The following GRID2 variants were observed in gnomAD, a reference collection of about 807,000 sequenced individuals.
The protein encoded by GRID2 is glutamate ionotropic receptor delta type subunit 2.
GRID2 carries 33 observed loss-of-function variants against 114.8 expected under a neutral mutation model. The ratio of observed to expected loss-of-function variants is 0.29; its 90% CI spans 0.22 to 0.38. GRID2 has a LOEUF of 0.38. Among genes scored for constraint, GRID2 ranks in the 10% least tolerant of loss-of-function variants. GRID2 has a pLI of 1.00. For synonymous variants in GRID2, 505 were observed against 449.9 expected (o/e 1.12, Z -1.55); for missense variants, 1,184 against 1,257.7 (o/e 0.94, Z 0.89).
At chr4:92,412,405 TCCTAGAA>T (rs1731382496) in intron 1 of GRID2, among the ~76,000 whole-genome samples, 2 of 152,124 alleles carry the variant, frequency 1.3e-5, no homozygotes, top group Non-Finnish European at 2.9e-5. Context: ...AATCACCTAT[TCCTAGAA>T]GTGTGGATAC....
intron 2 of GRID2, among the ~76,000 whole-genome samples, chr4:92,994,881 A>G (rs539135203): frequency 1.6e-4 from 24 of 152,304 alleles, no homozygotes; most frequent in African/African-American, 5.3e-4. Flanking sequence ...TGTTGGAGCC[A>G]GCTCACACAG....
chr4:93,517,092 G>T (rs1376648177), intron 13 of GRID2, among the ~76,000 whole-genome samples: 3 of 151,960 alleles, frequency 2.0e-5, no homozygotes, highest in African/African-American at 7.3e-5. Flanking sequence ...GTTGCATCAT[G>T]AAGATAAGAA....
intron 2 of GRID2, among the ~76,000 whole-genome samples, chr4:93,079,503 C>T (rs181288418): frequency 6.2e-4 from 94 of 151,854 alleles, no homozygotes; most frequent in Middle Eastern, 3.4e-3. Flanking sequence ...TGTTTAAAAA[C>T]AATGATTTAT....
At chr4:92,444,600 A>G (rs1733345759) in intron 1 of GRID2, among the ~76,000 whole-genome samples, 1 of 152,164 alleles carries the variant, frequency 6.6e-6, no homozygotes, top group Non-Finnish European at 1.5e-5. Context: ...ATCTGGGAGT[A>G]TAGGTGCAAG....
At chr4:93,625,893 C>T (rs533366999) in intron 13 of GRID2, among the ~76,000 whole-genome samples, 16 of 151,724 alleles carry the variant, frequency 1.1e-4, no homozygotes, top group Non-Finnish European at 1.6e-4. Flanking sequence ...CCAGCCTGGG[C>T]GACAGAGCAA....
At chr4:93,770,634 A>C (rs1330730538) in intron 15 of GRID2, among the ~76,000 whole-genome samples, 3 of 152,214 alleles carry the variant, frequency 2.0e-5, no homozygotes, top group African/African-American at 7.2e-5. Context: ...AAATTAATCA[A>C]GTCACATTGT....
At chr4:92,592,983 C>T (rs1471866709) in intron 2 of GRID2, among the ~76,000 whole-genome samples, 4 of 151,976 alleles carry the variant, frequency 2.6e-5, no homozygotes, top group South Asian at 2.1e-4. Context: ...CTTTCTCTCA[C>T]ATGTTTACTG....
chr4:93,142,718 C>T (rs758009696), intron 4 of GRID2, among the ~76,000 whole-genome samples: 9 of 152,132 alleles, frequency 5.9e-5, no homozygotes, highest in Non-Finnish European at 1.2e-4. Flanking sequence ...TATTCAACCA[C>T]GTCAGAATAA....
chr4:92,797,681 A>G (rs565463254), intron 2 of GRID2, among the ~76,000 whole-genome samples: 2 of 152,060 alleles, frequency 1.3e-5, no homozygotes, highest in Non-Finnish European at 2.9e-5. Context: ...TGACATATCT[A>G]ACTTTTTCTT....
chr4:93,803,581 G>A (rs1380473907), intron 1 of GRID2, among the ~76,000 whole-genome samples: 3 of 152,030 alleles, frequency 2.0e-5, no homozygotes, highest in African/African-American at 7.2e-5. Context: ...AATTAGCCGG[G>A]CATGGTGGCA....
At position 93,562,508 on chromosome 4, in the gene GRID2, A is replaced by G. The variant is rs1054997122; in HGVS notation, c.2193+47097A>G. Among the ~76,000 whole-genome samples the G allele has an allele frequency of 6.6e-5, 10 of 152,122 alleles. No homozygotes were observed. The South Asian group carries it at 2.1e-3, about 32-fold the overall frequency. ...TGTGGCTTACATTTTTATCCCCTTG[A>G]AAGTGTCTTTTATAGAGCAGAAGCT... is the stretch of plus-strand genomic sequence containing the variant. On this transcript the variant is annotated intron_variant, in intron 13 of 15. Coordinates refer to ENST00000282020, the MANE Select transcript of GRID2 (RefSeq NM_001510.4).
intron 13 of GRID2, among the ~76,000 whole-genome samples, chr4:93,589,709 C>T (rs1163910163): frequency 1.3e-5 from 2 of 152,150 alleles, no homozygotes; most frequent in African/African-American, 4.8e-5. Context: ...TCCTCTCCAG[C>T]ACCTGTCGTT....
At chr4:93,711,477 G>T (rs1728474848) in intron 14 of GRID2, among the ~76,000 whole-genome samples, 1 of 152,178 alleles carries the variant, frequency 6.6e-6, no homozygotes, top group Non-Finnish European at 1.5e-5. Flanking sequence ...CCCAGGAATT[G>T]CTGTTCTTTT....
chr4:92,494,291 C>G (rs904352804), intron 1 of GRID2, among the ~76,000 whole-genome samples: 2 of 151,408 alleles, frequency 1.3e-5, no homozygotes, highest in African/African-American at 4.9e-5. Flanking sequence ...TTTATAAATT[C>G]CTAGATAGGA....
intron 2 of GRID2, among the ~76,000 whole-genome samples, chr4:92,946,984 A>G (rs1751687147): frequency 6.6e-6 from 1 of 152,092 alleles, no homozygotes; most frequent in Admixed American, 6.6e-5. Context: ...TGAAAGATGG[A>G]AAGATTTATA....
At chr4:92,900,501 A>C (rs1747487624) in intron 2 of GRID2, among the ~76,000 whole-genome samples, 1 of 152,140 alleles carries the variant, frequency 6.6e-6, no homozygotes, top group South Asian at 2.1e-4. Context: ...TACATGAAGT[A>C]TTTCAATTTC....
chr4:93,337,899 C>A (rs1759250066), intron 8 of GRID2, among the ~76,000 whole-genome samples: 1 of 152,056 alleles, frequency 6.6e-6, no homozygotes, highest in African/African-American at 2.4e-5. Flanking sequence ...TTGAAATACA[C>A]CCTTTGCCTT....
intron 2 of GRID2, among the ~76,000 whole-genome samples, chr4:92,693,797 T>C (rs1734298403): frequency 6.6e-6 from 1 of 152,240 alleles, no homozygotes. Context: ...AAATGCTTAC[T>C]ATGTTAAAAT....
chr4:92,311,096 G>T (rs1010890599), intron 1 of GRID2, among the ~76,000 whole-genome samples: 6 of 152,006 alleles, frequency 3.9e-5, no homozygotes, highest in African/African-American at 1.2e-4. Context: ...GTTACCTACA[G>T]CATCACTCCT....
Sources: allele counts gnomAD v4.1 joint callset (sites outside exome capture counted in the v4.1 genomes callset), GRCh38; gene constraint gnomAD v4.1.1; transcripts MANE v1.5; gene names NCBI Gene and HGNC (gene_info 2026-07-23, HGNC 2026-07-21).